Variants in MTFR1 observed in about 807,000 individuals in gnomAD.
MTFR1 encodes the protein mitochondrial fission regulator 1.
Under a neutral mutation model 38.8 loss-of-function variants are expected in MTFR1, and 28 were observed. The observed-to-expected ratio is 0.72, with a 90% CI of 0.53 to 0.99. The LOEUF is 0.99. Among genes scored for constraint, MTFR1 ranks in the 50% least tolerant of loss-of-function variants. The pLI is 0.00. For synonymous variants in MTFR1, 145 were observed against 137.0 expected (o/e 1.06, Z -0.41); for missense variants, 358 against 395.5 (o/e 0.91, Z 0.81).
intron 3 of MTFR1, among the ~76,000 whole-genome samples, chr8:65,731,991 TG>T (rs1806911598): frequency 6.6e-6 from 1 of 151,720 alleles, no homozygotes. Context: ...TTATTATTGT[TG>T]TTGTTGTTGT....
chr8:65,655,985 G>GTATATATATATATATAT (rs1554545367), intron 1 of MTFR1, among the ~76,000 whole-genome samples: 1 of 34,876 alleles, frequency 2.9e-5, no homozygotes, highest in South Asian at 7.4e-4. Flanking sequence ...ATATATATAT[G>GTATATATATATATATAT]GTAGTGGGTT....
chr8:65,756,452 A>G (rs991948141), intron 3 of MTFR1, among the ~76,000 whole-genome samples: 1 of 148,398 alleles, frequency 6.7e-6, no homozygotes, highest in African/African-American at 2.5e-5. Flanking sequence ...CTCTCTTTCT[A>G]CTCCTCAGAA....
At chr8:65,743,593 A>G (rs1290927022) in intron 3 of MTFR1, among the ~76,000 whole-genome samples, 1 of 152,228 alleles carries the variant, frequency 6.6e-6, no homozygotes, top group Non-Finnish European at 1.5e-5. Context: ...TCCACTAGGC[A>G]TTGCCATACA....
At chr8:65,755,550 GTTA>G (rs1365281290) in intron 3 of MTFR1, among the ~76,000 whole-genome samples, 3 of 152,052 alleles carry the variant, frequency 2.0e-5, no homozygotes, top group Non-Finnish European at 4.4e-5. Context: ...CCTTCCTATT[GTTA>G]TTATCACAAG....
downstream of MTFR1, chr8:65,771,282 T>C (rs1293952960): frequency 6.5e-6 from 1 of 152,962 alleles, no homozygotes; most frequent in East Asian, 1.9e-4. Flanking sequence ...TATTGCAATA[T>C]AGATGTCTAA....
At chr8:65,764,156 G>C (rs184907595) in intron 3 of MTFR1, among the ~76,000 whole-genome samples, 4 of 152,330 alleles carry the variant, frequency 2.6e-5, no homozygotes, top group African/African-American at 7.2e-5. Context: ...ATAGAAAAGA[G>C]ATAGGAGCAT....
chr8:65,775,839 G>A (rs190758349), downstream of MTFR1, among the ~76,000 whole-genome samples: 108 of 152,294 alleles, frequency 7.1e-4, 2 homozygotes, highest in East Asian at 0.019. Flanking sequence ...ATGTTGGCCA[G>A]GCTGGTCTTA....
chr8:65,673,675 G>T lies in MTFR1; in HGVS notation c.66+3657G>T, dbSNP rs528792901. On this transcript the variant is annotated intron_variant, in intron 2 of 7. Transcript: ENST00000262146. ...TCCCAGCACTTTGGGAGGCCGAGGCGGGTGGATCACAAGGTCAGGAGTTCA... is the reference window on the plus strand; with the variant it reads ...TCCCAGCACTTTGGGAGGCCGAGGCTGGTGGATCACAAGGTCAGGAGTTCA... Among the ~76,000 whole-genome samples the T allele has an allele frequency of 6.3e-4, 95 of 151,808 alleles. 1 individual carries two copies. The South Asian group carries it at 0.019, about 30-fold the overall frequency.
rs773982141 is a variant in MTFR1 at position 65,669,925 on chromosome 8, G to A, written c.-28G>A. The A allele has an allele frequency of 6.3e-7, 1 of 1,597,690 alleles. No individual in the cohort carries two copies. The highest frequency in any genetic ancestry group is 8.5e-7 in the Non-Finnish European group (1 of 1,174,034). On this transcript the variant is annotated 5_prime_UTR_variant, in exon 2 of 8. The change abolishes an upstream ATG in the 5' untranslated region. Transcript: ENST00000262146. ...GTATGCCTGAAGAAGTACTTGAAAT[G>A]CAAATTTGGGGAGACTTTGCCATAT... is the stretch of plus-strand genomic sequence containing the variant.
chr8:65,745,710 TTA>T (rs780925570), intron 3 of MTFR1, among the ~76,000 whole-genome samples: 1 of 152,228 alleles, frequency 6.6e-6, no homozygotes, highest in Non-Finnish European at 1.5e-5. Context: ...CACAGGAAGG[TTA>T]TGTTTCCCAG....
At chr8:65,730,710 T>C (rs1806848583) in intron 3 of MTFR1, among the ~76,000 whole-genome samples, 1 of 152,062 alleles carries the variant, frequency 6.6e-6, no homozygotes, top group Non-Finnish European at 1.5e-5. Flanking sequence ...GGCAGATCAC[T>C]TGAAGTCAGG....
chr8:65,692,642 CT>C (rs1258719290), intron 3 of MTFR1, among the ~76,000 whole-genome samples: 107 of 144,750 alleles, frequency 7.4e-4, no homozygotes, highest in Non-Finnish European at 6.6e-4. Flanking sequence ...ACCTGGCTGT[CT>C]TTTTTTTTTT....
At position 65,734,116 on chromosome 8, in the gene MTFR1, C is replaced by T. The variant is rs574879739; in HGVS notation, c.*48+14635C>T. 1.4e-3 allele frequency among the ~76,000 whole-genome samples: 209 copies of T among 152,314 alleles called. 1 individual carries two copies. Among genetic ancestry groups the T allele is most frequent in the African/African-American group, 4.5e-3 (188 of 41,572 alleles). On this transcript the variant is annotated intron_variant, in intron 3 of 3. Transcript: ENST00000521247. ...AGGATGTCAAATACATTTAATACCA[C>T]GGATCCAAAATGGTGCTCACTGTCT...
intron 3 of MTFR1, chr8:65,724,663 T>C (rs1585826264): frequency 1.1e-6 from 1 of 901,786 alleles, no homozygotes; most frequent in East Asian, 2.6e-5. Flanking sequence ...GGAAATTCTT[T>C]AGCTTGCCCT....
intron 3 of MTFR1, among the ~76,000 whole-genome samples, chr8:65,732,358 C>A (rs894141416): frequency 1.1e-4 from 16 of 152,104 alleles, no homozygotes; most frequent in Non-Finnish European, 1.6e-4. Flanking sequence ...CTGCCTCCCC[C>A]ACTAGGATGT....
At chr8:65,717,338 G>A (rs57133349) in intron 2 of MTFR1, among the ~76,000 whole-genome samples, 24 of 152,372 alleles carry the variant, frequency 1.6e-4, no homozygotes, top group African/African-American at 5.8e-4. Context: ...GTAGAGTGGA[G>A]TGGCCTTTTC....
At chr8:65,746,655 C>G (rs971556753) in intron 3 of MTFR1, among the ~76,000 whole-genome samples, 3 of 152,134 alleles carry the variant, frequency 2.0e-5, no homozygotes, top group African/African-American at 7.2e-5. Context: ...TATGAATACA[C>G]TGACATGAGC....
At chr8:65,767,395 T>C (rs1395581292) in intron 3 of MTFR1, among the ~76,000 whole-genome samples, 1 of 151,974 alleles carries the variant, frequency 6.6e-6, no homozygotes, top group Non-Finnish European at 1.5e-5. Context: ...CTAATGGGAG[T>C]GTAGTATTAT....
intron 3 of MTFR1, chr8:65,724,876 G>A: frequency 6.2e-7 from 1 of 1,610,188 alleles, no homozygotes; most frequent in South Asian, 1.1e-5. Context: ...GGCGACTGAT[G>A]TCTGTGGCTA....
Sources: gnomAD v4.1 joint callset for allele counts (sites outside exome capture counted in the v4.1 genomes callset) on GRCh38, gnomAD v4.1.1 for gene constraint, MANE v1.5 for transcripts, NCBI Gene and HGNC (gene_info 2026-07-23, HGNC 2026-07-21) for gene names.